ADGRG1: variants seen among roughly 807,000 people sequenced by gnomAD.
ADGRG1 encodes 7-transmembrane protein with no EGF-like N-terminal domains-1.
A neutral mutation model predicts 73.5 loss-of-function variants in ADGRG1; 53 were observed. The observed-to-expected ratio is 0.72, with a 90% CI of 0.58 to 0.91. The LOEUF (loss-of-function observed/expected upper bound fraction) is 0.91. ADGRG1 is among the 40% of genes least tolerant of loss of function. The pLI is 0.00. For synonymous variants in ADGRG1, 394 were observed against 374.4 expected (o/e 1.05, Z -0.60); for missense variants, 795 against 871.8 (o/e 0.91, Z 1.11).
chr16:57,627,538 T>G (rs758421544), upstream of ADGRG1, among the ~76,000 whole-genome samples: 1 of 152,228 alleles, frequency 6.6e-6, no homozygotes, highest in African/African-American at 2.4e-5. Flanking sequence ...GGAGTATTTA[T>G]TGAGGGCTTG....
At chr16:57,639,919 C>A in intron 1 of ADGRG1, 1 of 946,864 alleles carries the variant, frequency 1.1e-6, no homozygotes, top group Non-Finnish European at 1.3e-6. Context: ...AGATGGTACT[C>A]CAAGGGACTT....
At chr16:57,643,953 G>C in intron 1 of ADGRG1, 1 of 984,698 alleles carries the variant, frequency 1.0e-6, no homozygotes, top group Admixed American at 6.1e-5. Context: ...TCTGACAGGG[G>C]TGTCTACTTT....
intron 13 of ADGRG1, chr16:57,663,172 ACCTGAGCCT>A: frequency 1.2e-6 from 1 of 824,498 alleles, no homozygotes; most frequent in Non-Finnish European, 1.5e-6. Flanking sequence ...ACGTCCCTTT[ACCTGAGCCT>A]CCTGGGCCTC....
intron 1 of ADGRG1, chr16:57,637,640 C>A (rs2039700904): frequency 1.0e-6 from 1 of 984,334 alleles, no homozygotes; most frequent in Admixed American, 6.2e-5. Flanking sequence ...CCTCCGGGGG[C>A]CAAAAATAGG....
chr16:57,639,253 C>T, intron 1 of ADGRG1: 2 of 985,454 alleles, frequency 2.0e-6, no homozygotes, highest in Non-Finnish European at 2.4e-6. Flanking sequence ...GCCCTCCCTC[C>T]TGCCAGCTCC....
chr16:57,663,068 A>T, intron 13 of ADGRG1: 1 of 985,254 alleles, frequency 1.0e-6, no homozygotes. Context: ...TGGATACATC[A>T]TAGTGCTATT....
chr16:57,656,472 AGGACT>A (rs1237402374), intron 8 of ADGRG1, 37 bp from the exon 9 acceptor site: 1 of 1,584,582 alleles, frequency 6.3e-7, no homozygotes, highest in Non-Finnish European at 8.7e-7. Flanking sequence ...GGGGTCCTGG[AGGACT>A]GGACTTGATT....
intron 1 of ADGRG1, chr16:57,645,138 C>T: frequency 4.1e-6 from 4 of 985,476 alleles, no homozygotes; most frequent in Non-Finnish European, 4.8e-6. Context: ...GGGCCAAATC[C>T]TTGCTTCCAA....
intron 13 of ADGRG1, chr16:57,662,952 C>A: frequency 1.0e-6 from 1 of 985,330 alleles, no homozygotes; most frequent in South Asian, 4.7e-5. Context: ...GAGATGTTAC[C>A]ACATTTCGGT....
chr16:57,648,776 G>A, intron 1 of ADGRG1: 1 of 928,700 alleles, frequency 1.1e-6, no homozygotes, highest in Non-Finnish European at 1.3e-6. Context: ...TGAGCACCCA[G>A]CTCTGCCACA....
chr16:57,628,949 T>C lies in ADGRG1; in HGVS notation c.-36+147T>C, dbSNP rs879574155. The C allele has an allele frequency of 0.016, 9,131 of 577,540 alleles. 497 individuals are homozygous for C. In the East Asian group the frequency reaches 0.16, roughly 10 times the overall value. 35.8% of individuals were successfully genotyped at this position (577,540 alleles called of 1,614,324 possible). A position where few individuals can be genotyped will look rare whatever the true frequency, so the allele number is the denominator to read the frequency against. ...GTGAGTGTGAGTGTGAGCGTGAGAGTGTGAGAGTGTGTGAGTGTGAGTGTG... is the reference window on the plus strand; with the variant it reads ...GTGAGTGTGAGTGTGAGCGTGAGAGCGTGAGAGTGTGTGAGTGTGAGTGTG... On this transcript the variant is annotated intron_variant, in intron 1 of 13. Coordinates refer to ENST00000562631, the MANE Select transcript of ADGRG1 (RefSeq NM_201525.4).
chr16:57,635,883 C>A (rs1037597399), intron 1 of ADGRG1: 1 of 985,306 alleles, frequency 1.0e-6, no homozygotes, highest in African/African-American at 1.7e-5. Context: ...GATAGTACCT[C>A]CTCATAGAGT....
At chr16:57,656,446 T>C in intron 8 of ADGRG1, 68 bp from the exon 9 acceptor site, 1 of 1,595,334 alleles carries the variant, frequency 6.3e-7, no homozygotes, top group Non-Finnish European at 8.6e-7. Flanking sequence ...GTCGTGCTTT[T>C]GGGGGTGGAC....
At position 57,649,815 on chromosome 16, in the gene ADGRG1, T is replaced by A. The variant is rs552489842; in HGVS notation, c.-35-438T>A. ...TTTTTTAAAGCAGGGTCTCACTCTG[T>A]CACCCAGGCTGGAGTGCAGTGGCGC... On this transcript the variant is annotated intron_variant, in intron 1 of 13. Coordinates refer to ENST00000562631, the MANE Select transcript of ADGRG1 (RefSeq NM_201525.4). Among the ~76,000 whole-genome samples, 4 of 151,984 alleles carry A rather than the reference T, an allele frequency of 2.6e-5. No individual in the cohort carries two copies. In the South Asian group the frequency reaches 8.4e-4, roughly 32 times the overall value.
chr16:57,631,924 G>A (rs1009340229), intron 1 of ADGRG1: 1 of 968,946 alleles, frequency 1.0e-6, no homozygotes. Flanking sequence ...GAGTAGGAAG[G>A]GACACACATT....
At chr16:57,637,753 A>T (rs1328811590) in intron 1 of ADGRG1, 25 of 956,990 alleles carry the variant, frequency 2.6e-5, no homozygotes, top group Non-Finnish European at 2.7e-5. Context: ...GGAGAAGGGG[A>T]GTTGCAGAGA....
At position 57,655,878 on chromosome 16, in the gene ADGRG1, C is replaced by T; in HGVS notation, c.903C>T (p.Asp301=). The T allele has an allele frequency of 1.2e-6, 2 of 1,614,120 alleles. No individual in the cohort carries two copies. The highest frequency in any genetic ancestry group is 1.7e-4 in the Middle Eastern group (1 of 6,058). ...VDFSSQALFQ[D]KNSSQVLGEK... is the part of the protein sequence containing the mutation. ...TTCCTCCAACCCCATGTATCTAGGA[C>T]AAGAATTCCAGCCAAGTCCTGGGTG... The change falls in exon 7 of 14, where the codon GAC becomes GAT. Residue 301 remains aspartate (D), a splice_region_variant and synonymous_variant. Transcript: ENST00000562631.
chr16:57,636,756 T>C (rs963138447), intron 1 of ADGRG1: 3 of 939,346 alleles, frequency 3.2e-6, no homozygotes, highest in Non-Finnish European at 3.8e-6. Context: ...GGATCTTCTA[T>C]GGACCAGGCA....
chr16:57,663,986 C>G lies in ADGRG1; in HGVS notation c.*404C>G, dbSNP rs1429758502. ...CCTGCCTGGGACAGAAATGTGGCTC[C>G]AGTTGCTCTGTCTCTCGTGGTCACC... is the stretch of plus-strand genomic sequence containing the variant. On this transcript the variant is annotated 3_prime_UTR_variant, in exon 14 of 14. Coordinates refer to ENST00000562631, the MANE Select transcript of ADGRG1 (RefSeq NM_201525.4). 3 of 278,532 alleles carry G rather than the reference C, an allele frequency of 1.1e-5. No homozygotes were observed. The highest frequency in any genetic ancestry group is 2.1e-5 in the Non-Finnish European group (3 of 143,456). 17.3% of individuals were successfully genotyped at this position (278,532 alleles called of 1,614,324 possible).
Sources: gnomAD v4.1 joint callset for allele counts (sites outside exome capture counted in the v4.1 genomes callset) on GRCh38, gnomAD v4.1.1 for gene constraint, MANE v1.5 for transcripts, NCBI Gene and HGNC (gene_info 2026-07-23, HGNC 2026-07-21) for gene names.